RAD23A: variants seen among roughly 807,000 people sequenced by gnomAD.
The protein encoded by RAD23A is lysine-specific demethylase RAD23A.
A neutral mutation model predicts 44.8 loss-of-function variants in RAD23A; 16 were observed. That is an observed-to-expected ratio of 0.36 (90% CI 0.24 to 0.54). The LOEUF is 0.54. RAD23A is among the 20% of genes least tolerant of loss of function. The pLI, the probability that RAD23A is intolerant of heterozygous loss-of-function variation, is 0.89. For missense variants in RAD23A, 380 were observed against 483.3 expected, an observed-to-expected ratio of 0.79 and a Z score of 2.00; for synonymous variants, 217 against 202.9, an observed-to-expected ratio of 1.07 and a Z score of -0.59.
rs377640169 is a variant in RAD23A at position 12,948,557 on chromosome 19, G to A, written c.472+5G>A. 1 of 1,592,236 alleles carries A rather than the reference G, an allele frequency of 6.3e-7. No individual in the cohort carries two copies. ...AAGACGCGGCCTCCACGCTAGGTGG[G>A]TGGGTGGTCCCCAGGGCAGAGGTGA... On this transcript the variant is annotated splice_donor_5th_base_variant and intron_variant, in intron 4 of 8. Coordinates refer to ENST00000586534, the MANE Select transcript of RAD23A (RefSeq NM_005053.4). The surrounding 1 kb of genome is among the most constrained non-coding windows in gnomAD (Gnocchi z 5.5).
rs1346914040 is a variant in RAD23A at position 12,949,512 on chromosome 19, G to A, written c.813+104G>A. The A allele has an allele frequency of 2.5e-5, 37 of 1,480,398 alleles. No individual in the cohort carries two copies. In the South Asian group the frequency reaches 2.7e-4, roughly 11 times the overall value. The allele number at this position is 1,480,398 out of a possible 1,614,324, so 91.7% of individuals were successfully genotyped here. ...GAATCGTTCTAGGTCCGGAAAGCAG[G>A]ACTAAGCACATGCTTCCCCCACGCC... On this transcript the variant is annotated intron_variant, in intron 7 of 8. Transcript: ENST00000586534.
At chr19:12,951,250 T>A (rs1165834162) in intron 7 of RAD23A, among the ~76,000 whole-genome samples, 2 of 151,878 alleles carry the variant, frequency 1.3e-5, no homozygotes, top group Non-Finnish European at 2.9e-5. Context: ...TTGTTGAGGT[T>A]ACAGGCGTGA....
chr19:12,946,058 G>T, intron 1 of RAD23A, 38 bp downstream of exon 1: 1 of 1,184,916 alleles, frequency 8.4e-7, no homozygotes, highest in Non-Finnish European at 1.2e-6. Flanking sequence ...GGGAGCGACG[G>T]GTTTCGGGGG....
In RAD23A at chr19:12,949,625, C is replaced by T. The variant is rs1055318686; in HGVS notation, c.813+217C>T. On this transcript the variant is annotated intron_variant, in intron 7 of 8. Coordinates refer to ENST00000586534, the MANE Select transcript of RAD23A (RefSeq NM_005053.4). ...GTGTGGGTGCTGTCAACATCACCTC[C>T]CACAGAAGAAGACACCGGAAACTTA... 3.9e-5 allele frequency: 23 copies of T among 590,398 alleles called. No individual in the cohort carries two copies. In the East Asian group the frequency reaches 5.7e-4, roughly 15 times the overall value. 36.6% of individuals were successfully genotyped at this position (590,398 alleles called of 1,614,324 possible). A position where few individuals can be genotyped will look rare whatever the true frequency, so the allele number is the denominator to read the frequency against.
chr19:12,946,109 C>A, intron 1 of RAD23A, 89 bp downstream of exon 1: 4 of 1,288,550 alleles, frequency 3.1e-6, no homozygotes, highest in Non-Finnish European at 4.3e-6. Flanking sequence ...ACGGGAGGGG[C>A]AGGGAGGACG....
chr19:12,949,732 G>T (rs1414418332), intron 7 of RAD23A, among the ~76,000 whole-genome samples: 1 of 152,148 alleles, frequency 6.6e-6, no homozygotes, highest in Non-Finnish European at 1.5e-5. Context: ...CTGGGCTGGG[G>T]CTCTGGCTTC....
chr19:12,948,568 C>T lies in RAD23A; in HGVS notation c.472+16C>T, dbSNP rs1271195534. 1 of 1,588,296 alleles carries T rather than the reference C, an allele frequency of 6.3e-7. No individual in the cohort carries two copies. The highest frequency in any genetic ancestry group is 8.6e-7 in the Non-Finnish European group (1 of 1,166,852). On this transcript the variant is annotated intron_variant, in intron 4 of 8. Transcript: ENST00000586534. The surrounding 1 kb of genome is among the most constrained non-coding windows in gnomAD (Gnocchi z 5.5). ...TCCACGCTAGGTGGGTGGGTGGTCC[C>T]CAGGGCAGAGGTGACTGGGTGCCCC...
chr19:12,949,038 A>G, intron 5 of RAD23A, 43 bp from the exon 6 acceptor site: 1 of 1,588,410 alleles, frequency 6.3e-7, no homozygotes, highest in Non-Finnish European at 8.6e-7. Flanking sequence ...GGAGGGTGGC[A>G]GCAGGAGGTC....
intron 7 of RAD23A, among the ~76,000 whole-genome samples, chr19:12,951,923 C>A: frequency 6.6e-6 from 1 of 151,986 alleles, no homozygotes; most frequent in East Asian, 1.9e-4. Flanking sequence ...TTGTCTGGTT[C>A]ATTTATTGGC....
chr19:12,952,548 C>T (rs971579972), intron 7 of RAD23A, 141 bp from the exon 8 acceptor site: 119 of 954,606 alleles, frequency 1.2e-4, no homozygotes, highest in Non-Finnish European at 1.6e-4. Context: ...GGGCTTGTGT[C>T]GACTGCTATG....
In RAD23A at chr19:12,949,327, GC is replaced by G. The variant is rs771136089; in HGVS notation, c.733del (p.Arg245GlyfsTer3). 6.2e-7 allele frequency: 1 copy of G among 1,614,128 alleles called. No individual in the cohort carries two copies. The highest frequency in any genetic ancestry group is 8.5e-7 in the Non-Finnish European group (1 of 1,179,994). On this transcript the variant is annotated frameshift_variant, in exon 7 of 9. Transcript: ENST00000586534. LOFTEE classifies it high-confidence loss of function. The part of the protein sequence containing the change: ...LRDQPQFQNM[R>X]QVIQQNPALL... ...GGGACCAGCCCCAGTTCCAGAACATGCGGCAGGTGATTCAGCAGAACCCTGC... is the reference window on the plus strand; with the variant it reads ...GGGACCAGCCCCAGTTCCAGAACATGGGCAGGTGATTCAGCAGAACCCTGC...
intron 7 of RAD23A, among the ~76,000 whole-genome samples, chr19:12,950,876 C>T (rs1036431258): frequency 1.3e-5 from 2 of 152,110 alleles, no homozygotes; most frequent in African/African-American, 4.8e-5. Flanking sequence ...CCAGCCTGGC[C>T]AACATGGCAA....
Position 12,952,825 on chromosome 19 carries a change from C to T in RAD23A, c.950C>T (p.Thr317Met), listed in dbSNP as rs751865333. 9 of 1,606,374 alleles carry T rather than the reference C, an allele frequency of 5.6e-6. No individual in the cohort carries two copies. The highest frequency in any genetic ancestry group is 2.2e-5 in the South Asian group (2 of 90,314). ...EAPQMNYIQV[T>M]PQEKEAIERL... ...CCGCAGATGAACTACATCCAGGTGA[C>T]GCCGCAGGAGAAAGAAGCTATAGAG... The change falls in exon 8 of 9, where the codon ACG becomes ATG. Residue 317 changes from threonine to methionine, a missense_variant. Physicochemically the swap from Thr to Met is moderately conservative, Grantham distance 81 (BLOSUM62 -1). Around this residue, in one of 3 missense-constraint regions of RAD23A, gnomAD observed 31 missense variants for 63.6 expected, o/e 0.49. Coordinates refer to ENST00000586534, the MANE Select transcript of RAD23A (RefSeq NM_005053.4).
At chr19:12,952,896 C>G in intron 8 of RAD23A, 40 bp from the exon 9 acceptor site, 24 of 1,610,172 alleles carry the variant, frequency 1.5e-5, no homozygotes, top group Non-Finnish European at 2.0e-5. Context: ...GGGCAGGACC[C>G]CTACCCTCTC....
At chr19:12,949,678 C>CAGCT (rs1323467871) in intron 7 of RAD23A, 1 of 520,034 alleles carries the variant, frequency 1.9e-6, no homozygotes, top group African/African-American at 1.9e-5. Context: ...CAGGGTCACG[C>CAGCT]AGCTGGTAGT....
Position 12,947,854 on chromosome 19 carries a change from G to A in RAD23A, c.79G>A (p.Val27Met). 1.9e-6 allele frequency: 3 copies of A among 1,613,598 alleles called. No individual in the cohort carries two copies. The South Asian group carries it at 3.3e-5, about 18-fold the overall frequency. Residue 27 changes from valine to methionine, a missense_variant, in exon 2 of 9, where the codon GTG (valine) becomes ATG (methionine). Coordinates refer to ENST00000586534, the MANE Select transcript of RAD23A (RefSeq NM_005053.4). ...IRMEPDETVK[V>M]LKEKIEAEKG... ...TCTGTACCACTCCCTCTAGGTGAAG[G>A]TGCTAAAGGAGAAGATAGAAGCTGA...
chr19:12,948,777 C>T lies in RAD23A; in HGVS notation c.564C>T (p.Tyr188=). 6.2e-7 allele frequency: 1 copy of T among 1,612,952 alleles called. No homozygotes were observed. Among genetic ancestry groups the T allele is most frequent in the South Asian group, 1.1e-5 (1 of 91,056 alleles). Residue 188 remains tyrosine, a synonymous_variant, in exon 5 of 9, where the codon TAC becomes TAT. Transcript: ENST00000586534. This position sits in a 1 kb window ranked among gnomAD's most constrained non-coding sequence, Gnocchi z 5.5. ...TCGTGGCCGCCCTGAGAGCCAGCTA[C>T]AACAACCCCCACCGAGCCGTGGAGT... ...ERVVAALRAS[Y]NNPHRAVEYL...
In RAD23A at chr19:12,948,050, T is replaced by C. The variant is rs1971711068; in HGVS notation, c.234+41T>C. ...TGGCTGGGAGGGTGGGTGGACGAGCTGGGGAGCTGGCAAAGAGCCTGTGTG... is the reference window on the plus strand; with the variant it reads ...TGGCTGGGAGGGTGGGTGGACGAGCCGGGGAGCTGGCAAAGAGCCTGTGTG... On this transcript the variant is annotated intron_variant, in intron 2 of 8. Transcript: ENST00000586534. This position sits in a 1 kb window ranked among gnomAD's most constrained non-coding sequence, Gnocchi z 5.5. The C allele has an allele frequency of 1.2e-6, 2 of 1,609,758 alleles. No homozygotes were observed. Among genetic ancestry groups the C allele is most frequent in the South Asian group, 1.1e-5 (1 of 90,928 alleles).
chr19:12,948,348 T>C lies in RAD23A; in HGVS notation c.406T>C (p.Ser136Pro), dbSNP rs763537337. ...ATCCGCCCCCACGACGTCCCCAGAGTCTGTGTCAGGGTAAGGCGGGGGCAG... is the reference window on the plus strand; with the variant it reads ...ATCCGCCCCCACGACGTCCCCAGAGCCTGTGTCAGGGTAAGGCGGGGGCAG... ...EESAPTTSPE[S>P]VSGSVPSSGS... Residue 136 changes from serine to proline, a missense_variant, in exon 3 of 9, where the codon TCT becomes CCT. Physicochemically the swap from Ser to Pro is moderately conservative, Grantham distance 74. Coordinates refer to ENST00000586534, the MANE Select transcript of RAD23A (RefSeq NM_005053.4). This position sits in a 1 kb window ranked among gnomAD's most constrained non-coding sequence, Gnocchi z 5.5. 4.4e-6 allele frequency: 7 copies of C among 1,589,956 alleles called. No homozygotes were observed. The African/African-American group carries it at 6.7e-5, about 15-fold the overall frequency.
Sources: gnomAD v4.1 joint callset for allele counts (sites outside exome capture counted in the v4.1 genomes callset) on GRCh38, gnomAD v4.1.1 for gene constraint, gnomAD v4.1.1 regional missense constraint, Gnocchi (gnomAD v3.1) non-coding constraint, MANE v1.5 for transcripts, NCBI Gene and HGNC (gene_info 2026-07-23, HGNC 2026-07-21) for gene names.